Variants in STARD9 observed in about 807,000 individuals in gnomAD.
STARD9 encodes the protein StAR related lipid transfer domain containing 9, also known as stAR-related lipid transfer protein 9.
A neutral mutation model predicts 399.8 loss-of-function variants in STARD9; 346 were observed. The observed-to-expected ratio is 0.87, with a 90% CI of 0.79 to 0.95. The LOEUF (loss-of-function observed/expected upper bound fraction) is 0.95. Among genes scored for constraint, STARD9 ranks in the 40% least tolerant of loss-of-function variants. The probability of loss-of-function intolerance (pLI) is 0.00; values close to 1 mark genes in which losing one functional copy is unlikely to be tolerated. For synonymous variants in STARD9, 2,203 were observed against 2,143.5 expected, an observed-to-expected ratio of 1.03 and a Z score of -0.77; for missense variants, 5,832 against 5,667.5, an observed-to-expected ratio of 1.03 and a Z score of -0.93.
chr15:42,633,040 G>C (rs917369108), intron 3 of STARD9, among the ~76,000 whole-genome samples: 19 of 151,942 alleles, frequency 1.3e-4, no homozygotes, highest in African/African-American at 4.6e-4. Flanking sequence ...CTGCTGGGGG[G>C]CCAAGGTAGG....
At chr15:42,615,201 C>T (rs571602199) in intron 3 of STARD9, among the ~76,000 whole-genome samples, 8 of 151,604 alleles carry the variant, frequency 5.3e-5, no homozygotes, top group African/African-American at 7.3e-5. Flanking sequence ...GTAGAGAGAG[C>T]GTTTCACTAT....
chr15:42,583,205 C>T lies in STARD9; in HGVS notation c.48-141C>T, dbSNP rs564213253. On this transcript the variant is annotated intron_variant, in intron 1 of 32. Coordinates refer to ENST00000290607, the MANE Select transcript of STARD9 (RefSeq NM_020759.3). ...AGCTAGGGGACTGCTTGATGCGACG[C>T]TTATAGCCATTTATGGAGACAGACG... 65 of 619,098 alleles carry T rather than the reference C, an allele frequency of 1.0e-4. No individual in the cohort carries two copies. In the East Asian group the frequency reaches 1.8e-3, roughly 17 times the overall value. The allele number at this position is 619,098 out of a possible 1,614,324, so 38.4% of individuals were successfully genotyped here. A position where few individuals can be genotyped will look rare whatever the true frequency, so the allele number is the denominator to read the frequency against.
chr15:42,663,969 T>A (rs2060040039), intron 13 of STARD9, 52 bp downstream of exon 13: 5 of 1,249,824 alleles, frequency 4.0e-6, no homozygotes, highest in Middle Eastern at 1.9e-4. Context: ...AAAGCTTTCC[T>A]TATTTTTTTT....
intron 3 of STARD9, among the ~76,000 whole-genome samples, chr15:42,598,475 A>T (rs1222972254): frequency 1.3e-5 from 2 of 151,696 alleles, no homozygotes; most frequent in Non-Finnish European, 2.9e-5. Flanking sequence ...ATGAATTTTT[A>T]AAATATTTAC....
At chr15:42,715,078 C>CAA (rs111810960) in intron 26 of STARD9, among the ~76,000 whole-genome samples, 1 of 134,312 alleles carries the variant, frequency 7.4e-6, no homozygotes, top group Non-Finnish European at 1.7e-5. Context: ...GATGTATCAA[C>CAA]AAAAAAAAAA....
chr15:42,583,203 C>A, intron 1 of STARD9, 143 bp from the exon 2 acceptor site: 1 of 604,226 alleles, frequency 1.7e-6, no homozygotes, highest in Non-Finnish European at 2.8e-6. Flanking sequence ...CTTGATGCGA[C>A]GCTTATAGCC....
intron 2 of STARD9, 82 bp downstream of exon 2, chr15:42,583,497 G>C: frequency 3.9e-6 from 4 of 1,029,926 alleles, no homozygotes; most frequent in Non-Finnish European, 5.8e-6. Flanking sequence ...AGGTGTATAT[G>C]TGAATGTGTT....
At chr15:42,657,307 C>G (rs1419147661) in intron 9 of STARD9, among the ~76,000 whole-genome samples, 2 of 149,038 alleles carry the variant, frequency 1.3e-5, no homozygotes, top group Non-Finnish European at 2.9e-5. Flanking sequence ...TTGCAGTGAG[C>G]TGAGATCGTA....
intron 23 of STARD9, 38 bp downstream of exon 23, chr15:42,694,380 T>A (rs1354708263): frequency 3.3e-6 from 5 of 1,535,322 alleles, no homozygotes; most frequent in African/African-American, 1.4e-5. Flanking sequence ...GGGGAAGGGG[T>A]GGGCTGTGAG....
intron 26 of STARD9, among the ~76,000 whole-genome samples, chr15:42,714,329 G>C (rs2061313466): frequency 1.3e-5 from 2 of 152,118 alleles, no homozygotes; most frequent in Non-Finnish European, 2.9e-5. Context: ...GCCTACCAAA[G>C]TGCTGGGATT....
intron 16 of STARD9, chr15:42,670,095 AG>A (rs2060176818): frequency 6.6e-6 from 1 of 152,162 alleles, no homozygotes; most frequent in Admixed American, 6.5e-5. Flanking sequence ...TTTTAAAAAA[AG>A]GTGGCTTTCA....
chr15:42,715,780 T>C (rs913726917), intron 26 of STARD9, among the ~76,000 whole-genome samples: 1 of 152,112 alleles, frequency 6.6e-6, no homozygotes, highest in African/African-American at 2.4e-5. Flanking sequence ...AGTGTTGGGA[T>C]TACAGGCATG....
rs2061383573 is a variant in STARD9 at position 42,718,049 on chromosome 15, G to A, written c.13632G>A (p.Gly4544=). Residue 4544 remains glycine, a synonymous_variant, in exon 30 of 33, where the codon GGG becomes GGA. Coordinates refer to ENST00000290607, the MANE Select transcript of STARD9 (RefSeq NM_020759.3). ...VFSPTRHGFL[G]AGVVSQPLSR... ...CTCCCACTCGGCATGGCTTCCTGGG[G>A]GCAGGTGTGGTGTCCCAGCCGCTGT... 6.5e-7 allele frequency: 1 copy of A among 1,537,086 alleles called. No homozygotes were observed. Among genetic ancestry groups the A allele is most frequent in the African/African-American group, 1.4e-5 (1 of 73,028 alleles).
chr15:42,663,183 TATG>T, intron 11 of STARD9, 95 bp from the exon 12 acceptor site: 1 of 1,116,878 alleles, frequency 9.0e-7, no homozygotes, highest in South Asian at 1.6e-5. Flanking sequence ...GATTAGGAAA[TATG>T]ATACTTAAGT....
At chr15:42,628,168 G>T (rs1450576483) in intron 3 of STARD9, among the ~76,000 whole-genome samples, 1 of 152,124 alleles carries the variant, frequency 6.6e-6, no homozygotes, top group South Asian at 2.1e-4. Flanking sequence ...TTTCAATTTG[G>T]ATTTCTCTGA....
At chr15:42,694,414 T>TA in intron 23 of STARD9, 72 bp downstream of exon 23, 1 of 1,527,554 alleles carries the variant, frequency 6.5e-7, no homozygotes, top group Non-Finnish European at 8.8e-7. Context: ...AGAAAGCTAA[T>TA]AGCTTGCTGT....
At chr15:42,616,960 A>G (rs945373642) in intron 3 of STARD9, among the ~76,000 whole-genome samples, 4 of 152,148 alleles carry the variant, frequency 2.6e-5, no homozygotes, top group Non-Finnish European at 5.9e-5. Flanking sequence ...AATGTATTGT[A>G]AGGATTAAAT....
chr15:42,635,095 C>T (rs926422016), intron 4 of STARD9, 123 bp downstream of exon 4: 2 of 524,720 alleles, frequency 3.8e-6, no homozygotes, highest in African/African-American at 3.9e-5. Flanking sequence ...ATTGAATGAG[C>T]CTTCTTCTGT....
chr15:42,689,143 C>T lies in STARD9; in HGVS notation c.7565C>T (p.Ser2522Phe). 1 of 1,537,282 alleles carries T rather than the reference C, an allele frequency of 6.5e-7. No homozygotes were observed. Among genetic ancestry groups the T allele is most frequent in the East Asian group, 2.4e-5 (1 of 40,920 alleles). The part of the protein sequence containing the change: ...TEDVGLTSGV[S>F]LAPVSLPRVP... ...GACGTCGGACTGACCAGCGGTGTTT[C>T]CTTAGCACCTGTTTCCCTGCCGAGG... Residue 2522 changes from serine (S) to phenylalanine (F), a missense_variant, in exon 23 of 33, where the codon TCC becomes TTC. Transcript: ENST00000290607.
Sources: allele counts gnomAD v4.1 joint callset (sites outside exome capture counted in the v4.1 genomes callset), GRCh38; gene constraint gnomAD v4.1.1; transcripts MANE v1.5; gene names NCBI Gene and HGNC (gene_info 2026-07-23, HGNC 2026-07-21).